Variants in GRAMD1B observed in about 807,000 individuals in gnomAD.
GRAMD1B encodes the protein GRAM domain containing 1B, also known as protein Aster-B.
Under a neutral mutation model 99.7 loss-of-function variants are expected in GRAMD1B, and 37 were observed. That is an observed-to-expected ratio of 0.37 (90% CI 0.29 to 0.49). The LOEUF (loss-of-function observed/expected upper bound fraction) is 0.49. GRAMD1B is among the 20% of genes least tolerant of loss of function. The pLI is 0.98. For synonymous variants in GRAMD1B, 427 were observed against 387.6 expected (o/e 1.10, Z -1.19); for missense variants, 888 against 1,009.2 (o/e 0.88, Z 1.63).
intron 1 of GRAMD1B, among the ~76,000 whole-genome samples, chr11:123,477,337 G>A (rs1350649495): frequency 7.9e-6 from 1 of 127,370 alleles, no homozygotes; most frequent in African/African-American, 3.0e-5. Context: ...CCCTCCCCTA[G>A]CACAGTGCTG....
chr11:123,462,908 A>AAAAAG (rs1565519623), intron 1 of GRAMD1B, among the ~76,000 whole-genome samples: 2 of 150,370 alleles, frequency 1.3e-5, no homozygotes, highest in African/African-American at 4.9e-5. Context: ...AAAAAAAAAA[A>AAAAAG]AAAAGAAATC....
In GRAMD1B at chr11:123,506,979, C is replaced by T. The variant is rs1211175248; in HGVS notation, c.452+26086C>T. ...TAATACACATATGGTGCTTCTGAAG[C>T]CTTCTGCACATGTTCACCAGGGCTG... On this transcript the variant is annotated intron_variant, in intron 2 of 19. Transcript: ENST00000635736. 2.0e-5 allele frequency among the ~76,000 whole-genome samples: 3 copies of T among 152,194 alleles called. No individual in the cohort carries two copies. In the East Asian group the frequency reaches 5.8e-4, roughly 29 times the overall value.
At position 123,526,059 on chromosome 11, in the gene GRAMD1B, C is replaced by T. The variant is rs544581118; in HGVS notation, c.452+45166C>T. 8 of 1,115,308 alleles carry T rather than the reference C, an allele frequency of 7.2e-6. No individual in the cohort carries two copies. The South Asian group carries it at 1.0e-4, about 14-fold the overall frequency. 69.1% of individuals were successfully genotyped at this position (1,115,308 alleles called of 1,614,324 possible). A position where few individuals can be genotyped will look rare whatever the true frequency, so the allele number is the denominator to read the frequency against. On this transcript the variant is annotated intron_variant, in intron 2 of 19. Transcript: ENST00000635736. ...TACATGGGATTCTGTTCTTTTGGGA[C>T]TTCGTCATCTTTTCCAATATGTCCT...
Position 123,497,344 on chromosome 11 carries a change from T to C in GRAMD1B, c.452+16451T>C, listed in dbSNP as rs1324869317. 2.0e-5 allele frequency among the ~76,000 whole-genome samples: 3 copies of C among 152,156 alleles called. No homozygotes were observed. The East Asian group carries it at 5.8e-4, about 29-fold the overall frequency. On this transcript the variant is annotated intron_variant, in intron 2 of 19. Coordinates refer to ENST00000635736, the MANE Select transcript of GRAMD1B (RefSeq NM_001387025.1). ...AGAAGCACCCCTGTCGCCACCACCA[T>C]GGGGACTGCACTGGTTCAGACCTGA...
intron 2 of GRAMD1B, among the ~76,000 whole-genome samples, chr11:123,543,743 A>G (rs1784356): frequency 0.61 from 92,920 of 152,042 alleles, 29,428 homozygotes; most frequent in South Asian, 0.8. Flanking sequence ...TTCGCAGAAG[A>G]ATTCGCCATT....
chr11:123,569,020 A>G (rs1447812989), intron 2 of GRAMD1B, among the ~76,000 whole-genome samples: 1 of 152,052 alleles, frequency 6.6e-6, no homozygotes, highest in Admixed American at 6.6e-5. Flanking sequence ...GGGGAAGGGG[A>G]GGCACTGAGA....
intron 2 of GRAMD1B, among the ~76,000 whole-genome samples, chr11:123,565,369 T>C (rs1947248457): frequency 6.6e-6 from 1 of 152,176 alleles, no homozygotes; most frequent in Admixed American, 6.5e-5. Flanking sequence ...ATTAAGTTCT[T>C]ACTGTGTGCC....
At chr11:123,367,593 G>A (rs1304004194) in intron 1 of GRAMD1B, among the ~76,000 whole-genome samples, 3 of 152,156 alleles carry the variant, frequency 2.0e-5, no homozygotes, top group South Asian at 2.1e-4. Flanking sequence ...ACTCTAAGGC[G>A]TCTGTAAGAG....
At position 123,627,757 on chromosome 11, in the gene GRAMD1B, T is replaced by C. The variant is rs1318523947; in HGVS notation, c.*5162T>C. 3 of 152,344 alleles carry C rather than the reference T, an allele frequency of 2.0e-5. No individual in the cohort carries two copies. The highest frequency in any genetic ancestry group is 2.1e-4 in the South Asian group (1 of 4,826). 9.4% of individuals were successfully genotyped at this position (152,344 alleles called of 1,614,324 possible). ...AGTATGAATTAAAAAGAAAAAAGTA[T>C]TGAACTACAATAATAAATGGTGTGC... On this transcript the variant is annotated 3_prime_UTR_variant, in exon 20 of 20. Transcript: ENST00000635736.
At chr11:123,388,490 TG>T (rs1463863160) in intron 1 of GRAMD1B, among the ~76,000 whole-genome samples, 1 of 151,778 alleles carries the variant, frequency 6.6e-6, no homozygotes, top group Non-Finnish European at 1.5e-5. Flanking sequence ...CTGGGCAACA[TG>T]GCAAGACCCC....
chr11:123,540,052 G>A (rs1002183406), intron 2 of GRAMD1B, among the ~76,000 whole-genome samples: 10 of 151,210 alleles, frequency 6.6e-5, no homozygotes, highest in African/African-American at 2.4e-4. Flanking sequence ...AGAGTAAAGA[G>A]TTATCTCAAT....
chr11:123,603,680 G>C (rs1015968062), intron 9 of GRAMD1B, 139 bp downstream of exon 9: 9 of 666,422 alleles, frequency 1.4e-5, no homozygotes, highest in African/African-American at 1.1e-4. Flanking sequence ...AGTGGTCACA[G>C]GTGAGGTCAG....
intron 1 of GRAMD1B, among the ~76,000 whole-genome samples, chr11:123,385,152 C>T (rs886765974): frequency 6.6e-6 from 1 of 152,190 alleles, no homozygotes; most frequent in African/African-American, 2.4e-5. Flanking sequence ...TTACACTATG[C>T]CAATTCTTCT....
At chr11:123,386,435 CTTTTT>C (rs34243520) in intron 1 of GRAMD1B, among the ~76,000 whole-genome samples, 2 of 96,192 alleles carry the variant, frequency 2.1e-5, no homozygotes, top group African/African-American at 3.6e-5. Context: ...TCACAATATA[CTTTTT>C]TTTTTTTTTT....
At chr11:123,390,978 G>A (rs886922667) in intron 1 of GRAMD1B, among the ~76,000 whole-genome samples, 1 of 152,168 alleles carries the variant, frequency 6.6e-6, no homozygotes, top group Admixed American at 6.6e-5. Flanking sequence ...TCAGCTGCCC[G>A]CCTTTCCTTC....
intron 2 of GRAMD1B, among the ~76,000 whole-genome samples, chr11:123,528,123 G>A (rs887597558): frequency 3.3e-5 from 5 of 152,056 alleles, no homozygotes; most frequent in East Asian, 1.9e-4. Context: ...GATGAAATGC[G>A]GCTCCCTTTG....
intron 1 of GRAMD1B, among the ~76,000 whole-genome samples, chr11:123,456,876 C>T (rs1213596771): frequency 2.8e-5 from 4 of 145,228 alleles, no homozygotes; most frequent in African/African-American, 7.7e-5. Flanking sequence ...GCTGAGATGG[C>T]GCCACTGTAC....
intron 2 of GRAMD1B, among the ~76,000 whole-genome samples, chr11:123,497,878 G>A (rs533192800): frequency 6.8e-6 from 1 of 147,294 alleles, no homozygotes; most frequent in South Asian, 2.2e-4. Context: ...CCCAGCCTGG[G>A]CGGTAAAGCT....
chr11:123,610,156 T>A lies in GRAMD1B; in HGVS notation c.1777-40T>A, dbSNP rs779815166. 1 of 1,609,980 alleles carries A rather than the reference T, an allele frequency of 6.2e-7. No homozygotes were observed. The highest frequency in any genetic ancestry group is 1.1e-5 in the South Asian group (1 of 90,860). ...GAAGGTGCTTTTCCAAGCTTCTTGC[T>A]CCTCTTCAGTTTTGTCCAATGGACC... On this transcript the variant is annotated intron_variant, in intron 13 of 19. Coordinates refer to ENST00000635736, the MANE Select transcript of GRAMD1B (RefSeq NM_001387025.1). The surrounding 1 kb of genome is among the most constrained non-coding windows in gnomAD (Gnocchi z 4.1).
Sources: allele counts gnomAD v4.1 joint callset (sites outside exome capture counted in the v4.1 genomes callset), GRCh38; gene constraint gnomAD v4.1.1; non-coding constraint Gnocchi (gnomAD v3.1); transcripts MANE v1.5; gene names NCBI Gene and HGNC (gene_info 2026-07-23, HGNC 2026-07-21).